PID1: variants seen among roughly 807,000 people sequenced by gnomAD.
PID1 encodes the protein PTB-containing, cubilin and LRP1-interacting protein.
A neutral mutation model predicts 19.1 loss-of-function variants in PID1; 10 were observed. The observed-to-expected ratio is 0.52, with a 90% CI of 0.32 to 0.89. The LOEUF (loss-of-function observed/expected upper bound fraction) is 0.89. Ranked by LOEUF, PID1 falls within the 40% of genes least tolerant of loss-of-function variation. PID1 has a pLI of 0.03. For synonymous variants in PID1, 130 were observed against 116.0 expected (o/e 1.12, Z -0.78); for missense variants, 248 against 285.3 (o/e 0.87, Z 0.94).
chr2:229,139,050 A>C lies in PID1; in HGVS notation c.177+16768T>G, dbSNP rs1423999119. ...AAGAAAGAAAGAAAGAGAAAGAAAG[A>C]AAGAAAGAGAAAGAAAGAAAGAAAG... On this transcript the variant is annotated intron_variant, in intron 2 of 2. Coordinates refer to ENST00000392055, the MANE Select transcript of PID1 (RefSeq NM_001100818.2). Among the ~76,000 whole-genome samples, 63 of 76,430 alleles carry C rather than the reference A, an allele frequency of 8.2e-4. 7 individuals carry two copies. Among genetic ancestry groups the C allele is most frequent in the Non-Finnish European group, 1.4e-3 (49 of 35,238 alleles). 50.1% of individuals were successfully genotyped at this position (76,430 alleles called of 152,430 possible).
At chr2:229,094,151 A>G (rs1346252349) in intron 2 of PID1, among the ~76,000 whole-genome samples, 1 of 152,142 alleles carries the variant, frequency 6.6e-6, no homozygotes, top group South Asian at 2.1e-4. Context: ...ACCAACAACA[A>G]CCAAGCTGGA....
chr2:229,058,494 A>G (rs1370787673), intron 2 of PID1, among the ~76,000 whole-genome samples: 1 of 152,188 alleles, frequency 6.6e-6, no homozygotes, highest in African/African-American at 2.4e-5. Context: ...AACTGGTTAT[A>G]CCGTGAAGAT....
chr2:229,233,648 C>T (rs1002914298), intron 1 of PID1, among the ~76,000 whole-genome samples: 10 of 152,212 alleles, frequency 6.6e-5, no homozygotes, highest in East Asian at 5.8e-4. Context: ...CCCACCACCA[C>T]GCCTGACTAA....
Position 229,148,050 on chromosome 2 carries a change from C to T in PID1, c.177+7768G>A, listed in dbSNP as rs532416011. On this transcript the variant is annotated intron_variant, in intron 2 of 2. Coordinates refer to ENST00000392055, the MANE Select transcript of PID1 (RefSeq NM_001100818.2). ...CAACAGCATTAAGCAAGGGCCAATT[C>T]TATGTGGCAAACCAGATAAATCAGG... Among the ~76,000 whole-genome samples, 4 of 152,304 alleles carry T rather than the reference C, an allele frequency of 2.6e-5. No individual in the cohort carries two copies. The South Asian group carries it at 8.3e-4, about 32-fold the overall frequency.
chr2:229,144,129 A>G (rs1267992178), intron 2 of PID1, among the ~76,000 whole-genome samples: 1 of 152,184 alleles, frequency 6.6e-6, no homozygotes, highest in Non-Finnish European at 1.5e-5. Flanking sequence ...TGAAAAGTTG[A>G]GAGTAAAATA....
At chr2:229,119,448 G>A (rs1003083912) in intron 2 of PID1, among the ~76,000 whole-genome samples, 7 of 152,186 alleles carry the variant, frequency 4.6e-5, no homozygotes, top group African/African-American at 1.7e-4. Flanking sequence ...ATAGTAGTCA[G>A]TGGGTGAAAA....
At chr2:229,075,501 C>G (rs1371995802) in intron 2 of PID1, among the ~76,000 whole-genome samples, 1 of 152,154 alleles carries the variant, frequency 6.6e-6, no homozygotes, top group Admixed American at 6.5e-5. Context: ...ACCTCCACAA[C>G]TTTATATGTT....
intron 2 of PID1, among the ~76,000 whole-genome samples, chr2:229,098,112 G>T (rs1695006109): frequency 6.6e-6 from 1 of 152,220 alleles, no homozygotes; most frequent in Non-Finnish European, 1.5e-5. Flanking sequence ...TGCTCCTGCT[G>T]CAGTAGGACT....
intron 1 of PID1, among the ~76,000 whole-genome samples, chr2:229,244,374 T>C (rs1002271523): frequency 6.6e-6 from 1 of 152,162 alleles, no homozygotes; most frequent in Non-Finnish European, 1.5e-5. Flanking sequence ...CTGTGAAAAC[T>C]AGAACTAGGA....
chr2:229,132,243 T>G (rs1689758222), intron 2 of PID1, among the ~76,000 whole-genome samples: 1 of 152,218 alleles, frequency 6.6e-6, no homozygotes, highest in Non-Finnish European at 1.5e-5. Flanking sequence ...CCAATGAGCT[T>G]CTGAGGACCA....
At chr2:229,112,179 T>G (rs1444460898) in intron 2 of PID1, among the ~76,000 whole-genome samples, 1 of 152,268 alleles carries the variant, frequency 6.6e-6, no homozygotes, top group Non-Finnish European at 1.5e-5. Context: ...CAGTTCACAC[T>G]GATCCACATA....
chr2:229,233,795 T>C (rs556263137), intron 1 of PID1, among the ~76,000 whole-genome samples: 4 of 152,292 alleles, frequency 2.6e-5, no homozygotes, highest in Non-Finnish European at 5.9e-5. Flanking sequence ...CCCAGCCTTG[T>C]GCTAGATTTT....
chr2:229,263,010 CA>C, intron 1 of PID1: 1 of 1,036,136 alleles, frequency 9.7e-7, no homozygotes. Context: ...TCACAGGTAC[CA>C]GGGGTTAAGA....
chr2:229,134,104 T>C (rs1197283107), intron 2 of PID1, among the ~76,000 whole-genome samples: 1 of 152,082 alleles, frequency 6.6e-6, no homozygotes, highest in African/African-American at 2.4e-5. Context: ...GGGGACAAAA[T>C]CATCCCATTT....
chr2:229,059,711 T>G (rs1400235412), intron 2 of PID1, among the ~76,000 whole-genome samples: 1 of 152,232 alleles, frequency 6.6e-6, no homozygotes, highest in African/African-American at 2.4e-5. Context: ...ATGAGAATTC[T>G]AGCAAATATA....
Position 229,069,143 on chromosome 2 carries a change from T to TTGTGTGTGTGTGTGTG in PID1, c.178-43051_178-43036dup, listed in dbSNP as rs61118908. ...TTCCTTTCTTTAACGAGAAGGGTTT[T>TTGTGTGTGTGTGTGTG]TGTGTGTGTGTGTGTGTGTGTGTGT... On this transcript the variant is annotated intron_variant, in intron 2 of 2. Coordinates refer to ENST00000392055, the MANE Select transcript of PID1 (RefSeq NM_001100818.2). Among the ~76,000 whole-genome samples the TTGTGTGTGTGTGTGTG allele has an allele frequency of 1.2e-3, 165 of 140,698 alleles. 2 individuals are homozygous for TTGTGTGTGTGTGTGTG. Among genetic ancestry groups the TTGTGTGTGTGTGTGTG allele is most frequent in the African/African-American group, 3.9e-3 (146 of 37,560 alleles). 92.3% of individuals were successfully genotyped at this position (140,698 alleles called of 152,430 possible). A position where few individuals can be genotyped will look rare whatever the true frequency, so the allele number is the denominator to read the frequency against.
At chr2:229,199,604 C>G (rs1691449197) in intron 1 of PID1, among the ~76,000 whole-genome samples, 1 of 151,640 alleles carries the variant, frequency 6.6e-6, no homozygotes, top group South Asian at 2.1e-4. Flanking sequence ...TTTCCTTAAA[C>G]TAGGAAGCAT....
At chr2:229,168,782 T>C (rs1195187979) in intron 1 of PID1, among the ~76,000 whole-genome samples, 1 of 152,154 alleles carries the variant, frequency 6.6e-6, no homozygotes, top group East Asian at 1.9e-4. Flanking sequence ...ATGTCCAATA[T>C]AGTCTAAGGT....
chr2:229,195,442 A>G (rs1691357659), intron 1 of PID1, among the ~76,000 whole-genome samples: 1 of 151,904 alleles, frequency 6.6e-6, no homozygotes, highest in Admixed American at 6.6e-5. Flanking sequence ...ATATACACAT[A>G]TTACACATAC....
Sources: gnomAD v4.1 joint callset for allele counts (sites outside exome capture counted in the v4.1 genomes callset) on GRCh38, gnomAD v4.1.1 for gene constraint, MANE v1.5 for transcripts, NCBI Gene and HGNC (gene_info 2026-07-23, HGNC 2026-07-21) for gene names.